Variants in PCSK5 observed in about 807,000 individuals in gnomAD.
The protein encoded by PCSK5 is proprotein convertase subtilisin/kexin type 5.
In PCSK5, 129 loss-of-function variants were observed where a neutral mutation model predicts 233.2. That is an observed-to-expected ratio of 0.55 (90% CI 0.48 to 0.64). The LOEUF is 0.64. Ranked by LOEUF, PCSK5 falls within the 30% of genes least tolerant of loss-of-function variation. PCSK5 has a pLI of 0.00. For missense variants in PCSK5, 2,076 were observed against 2,430.1 expected, an observed-to-expected ratio of 0.85 and a Z score of 3.06; for synonymous variants, 825 against 879.2, an observed-to-expected ratio of 0.94 and a Z score of 1.09.
chr9:76,088,179 T>G (rs1052827481), intron 7 of PCSK5, among the ~76,000 whole-genome samples: 3 of 152,162 alleles, frequency 2.0e-5, no homozygotes, highest in Admixed American at 6.5e-5. Context: ...GCGTAAAGAT[T>G]GAGACCAGTA....
intron 1 of PCSK5, among the ~76,000 whole-genome samples, chr9:75,904,769 A>C (rs1826188580): frequency 6.6e-6 from 1 of 152,190 alleles, no homozygotes; most frequent in African/African-American, 2.4e-5. Context: ...ACATACAGCT[A>C]CTCTATGACC....
intron 1 of PCSK5, among the ~76,000 whole-genome samples, chr9:75,902,252 C>CAAAACAAG (rs1826077096): frequency 1.1e-5 from 1 of 95,196 alleles, no homozygotes; most frequent in Non-Finnish European, 2.3e-5. Context: ...AAGAAAAGGA[C>CAAAACAAG]AAAACAAGGA....
At chr9:76,056,983 A>C (rs891201522) in intron 5 of PCSK5, among the ~76,000 whole-genome samples, 2 of 152,190 alleles carry the variant, frequency 1.3e-5, no homozygotes, top group African/African-American at 4.8e-5. Flanking sequence ...GATGACTAAT[A>C]TTCCAATGAG....
chr9:76,037,732 C>T (rs1053450067), intron 5 of PCSK5, among the ~76,000 whole-genome samples: 2 of 152,062 alleles, frequency 1.3e-5, no homozygotes, highest in Admixed American at 1.3e-4. Flanking sequence ...CTCCTCTTAC[C>T]CTAAGGAGGG....
intron 3 of PCSK5, among the ~76,000 whole-genome samples, chr9:76,009,809 A>T (rs1424991740): frequency 2.6e-5 from 4 of 152,062 alleles, no homozygotes; most frequent in Non-Finnish European, 4.4e-5. Flanking sequence ...ACTTTTTTCT[A>T]CCCTACAATC....
At chr9:75,998,425 A>C (rs889088650) in intron 3 of PCSK5, among the ~76,000 whole-genome samples, 1 of 152,318 alleles carries the variant, frequency 6.6e-6, no homozygotes, top group African/African-American at 2.4e-5. Flanking sequence ...AAGATAGTGA[A>C]AAAGAACTCA....
Position 76,338,254 on chromosome 9 carries a change from C to A in PCSK5, c.4773C>A (p.Gly1591=). The change falls in exon 35 of 38, where the codon GGC becomes GGA. Residue 1591 remains glycine, a synonymous_variant. Coordinates refer to ENST00000674117, the MANE Select transcript of PCSK5 (RefSeq NM_001372043.1). Reference sequence around the variant, plus strand: ...GATATTACGCAGACAACTCCACTGGCCGGTGTGAGAGGTGCAACAGGAGCT... The same window carrying A: ...GATATTACGCAGACAACTCCACTGGACGGTGTGAGAGGTGCAACAGGAGCT... ...REGYYADNST[G]RCERCNRSCK... 6.2e-7 allele frequency: 1 copy of A among 1,612,206 alleles called. No individual in the cohort carries two copies. Among genetic ancestry groups the A allele is most frequent in the Non-Finnish European group, 8.5e-7 (1 of 1,179,450 alleles).
intron 3 of PCSK5, among the ~76,000 whole-genome samples, chr9:76,020,682 G>A (rs549951781): frequency 6.8e-4 from 103 of 152,220 alleles, no homozygotes; most frequent in Non-Finnish European, 1.2e-3. Flanking sequence ...AAGCAGAGGT[G>A]GAAGAAAGGA....
chr9:76,309,984 G>A (rs1377324094), intron 29 of PCSK5, among the ~76,000 whole-genome samples: 4 of 151,978 alleles, frequency 2.6e-5, no homozygotes, highest in Admixed American at 6.6e-5. Context: ...ACTCTGGGCC[G>A]AGCCTGTAAT....
At chr9:76,358,207 T>C (rs903875083) in intron 37 of PCSK5, among the ~76,000 whole-genome samples, 12 of 152,100 alleles carry the variant, frequency 7.9e-5, no homozygotes, top group Non-Finnish European at 1.6e-4. Context: ...GTATGCCTTC[T>C]AGGAAAATCA....
intron 34 of PCSK5, among the ~76,000 whole-genome samples, chr9:76,337,050 T>A (rs936992804): frequency 4.0e-5 from 6 of 151,344 alleles, no homozygotes; most frequent in Non-Finnish European, 5.9e-5. Flanking sequence ...AAAAATCTTT[T>A]CAAACAAGGT....
intron 5 of PCSK5, among the ~76,000 whole-genome samples, chr9:76,033,490 G>T (rs1180903514): frequency 6.6e-6 from 1 of 151,852 alleles, no homozygotes; most frequent in Admixed American, 6.6e-5. Flanking sequence ...GTAGATACTT[G>T]ATCAATGATT....
intron 24 of PCSK5, among the ~76,000 whole-genome samples, chr9:76,270,582 C>A (rs982695842): frequency 6.6e-6 from 1 of 152,030 alleles, no homozygotes; most frequent in Non-Finnish European, 1.5e-5. Flanking sequence ...TCCTGGGGAC[C>A]CCTTCTGTGG....
At chr9:76,285,215 C>G (rs1407282270) in intron 24 of PCSK5, among the ~76,000 whole-genome samples, 1 of 151,996 alleles carries the variant, frequency 6.6e-6, no homozygotes, top group African/African-American at 2.4e-5. Flanking sequence ...AATGGAGCCC[C>G]TAGTTTGGTA....
In PCSK5 at chr9:76,184,741, T is replaced by A; in HGVS notation, c.2266T>A (p.Cys756Ser). ...TCTEFHNCTE[C>S]RDGLSLQGSR... ...TACTGAATTCCATAACTGTACAGAA[T>A]GTAGGGATGGGTTAAGGTAAGAGAG... Residue 756 changes from cysteine (C) to serine (S), a missense_variant, in exon 17 of 38, where the codon TGT becomes AGT. Physicochemically the swap from Cys to Ser is moderately radical, Grantham distance 112. Coordinates refer to ENST00000674117, the MANE Select transcript of PCSK5 (RefSeq NM_001372043.1). The A allele has an allele frequency of 1.2e-6, 2 of 1,603,216 alleles. No individual in the cohort carries two copies. The highest frequency in any genetic ancestry group is 1.7e-6 in the Non-Finnish European group (2 of 1,170,692).
At chr9:75,985,291 C>T (rs1826460380) in intron 2 of PCSK5, among the ~76,000 whole-genome samples, 1 of 152,176 alleles carries the variant, frequency 6.6e-6, no homozygotes, top group South Asian at 2.1e-4. Flanking sequence ...GCATTAGACT[C>T]AAGGTTTCTG....
chr9:76,282,969 G>A (rs1361013284), intron 24 of PCSK5, among the ~76,000 whole-genome samples: 1 of 152,170 alleles, frequency 6.6e-6, no homozygotes, highest in Non-Finnish European at 1.5e-5. Context: ...AGAGGTGATG[G>A]AAATGGTAAG....
intron 3 of PCSK5, among the ~76,000 whole-genome samples, chr9:75,995,184 T>C (rs1476539914): frequency 6.6e-6 from 1 of 152,194 alleles, no homozygotes; most frequent in East Asian, 1.9e-4. Context: ...TGCACACCTC[T>C]TTTTGTGTAC....
At chr9:76,049,838 T>C (rs1037998944) in intron 5 of PCSK5, among the ~76,000 whole-genome samples, 3 of 152,234 alleles carry the variant, frequency 2.0e-5, no homozygotes, top group Admixed American at 6.5e-5. Context: ...ATCATCTTTC[T>C]CCATCACTCA....
Sources: gnomAD v4.1 joint callset for allele counts (sites outside exome capture counted in the v4.1 genomes callset) on GRCh38, gnomAD v4.1.1 for gene constraint, MANE v1.5 for transcripts, NCBI Gene and HGNC (gene_info 2026-07-23, HGNC 2026-07-21) for gene names.